The following SAMTOR variants were observed in gnomAD, a reference collection of about 807,000 sequenced individuals.
The protein encoded by SAMTOR is UPF0532 protein C7orf60.
the SAMTOR span, among the ~76,000 whole-genome samples, chr7:112,922,334 G>A: frequency 1.3e-5 from 2 of 152,270 alleles, no homozygotes; most frequent in South Asian, 2.1e-4. Context: ...TGCCTGCCTT[G>A]GCCTCCCAAA....
chr7:112,870,138 AT>A, the SAMTOR span, among the ~76,000 whole-genome samples: 1 of 152,198 alleles, frequency 6.6e-6, no homozygotes, highest in Non-Finnish European at 1.5e-5. Flanking sequence ...TGAGGACATA[AT>A]TCATGAAAAT....
chr7:112,879,999 A>G, the SAMTOR span, among the ~76,000 whole-genome samples: 1 of 152,202 alleles, frequency 6.6e-6, no homozygotes, highest in Non-Finnish European at 1.5e-5. Context: ...CATAATATAC[A>G]GAACTACATT....
the SAMTOR span, among the ~76,000 whole-genome samples, chr7:112,836,664 C>T: frequency 6.6e-6 from 1 of 151,940 alleles, no homozygotes; most frequent in Admixed American, 6.6e-5. Context: ...GAAAGAGGTC[C>T]AGTTTCAATC....
chr7:112,856,945 T>C, the SAMTOR span, among the ~76,000 whole-genome samples: 1 of 152,128 alleles, frequency 6.6e-6, no homozygotes. Context: ...ATTCATTCCC[T>C]AAATCACATA....
the SAMTOR span, among the ~76,000 whole-genome samples, chr7:112,824,708 T>C: frequency 6.6e-6 from 1 of 152,136 alleles, no homozygotes; most frequent in Non-Finnish European, 1.5e-5. Flanking sequence ...AAGTTTCTTC[T>C]TTTGTATATG....
chr7:112,822,097 T>C, the SAMTOR span: 15 of 1,613,784 alleles, frequency 9.3e-6, no homozygotes, highest in Non-Finnish European at 1.3e-5. Flanking sequence ...CTTTTCATCA[T>C]CATAGCATGA....
chr7:112,862,417 C>T, the SAMTOR span, among the ~76,000 whole-genome samples: 3 of 152,098 alleles, frequency 2.0e-5, no homozygotes, highest in Non-Finnish European at 2.9e-5. Flanking sequence ...ATTGGGCATT[C>T]GGAAATTAAC....
chr7:112,930,678 T>G, the SAMTOR span, among the ~76,000 whole-genome samples: 1 of 152,236 alleles, frequency 6.6e-6, no homozygotes, highest in Non-Finnish European at 1.5e-5. Flanking sequence ...AAAGAGCTGT[T>G]ATTTTTAAAT....
chr7:112,822,721 A>G, the SAMTOR span, among the ~76,000 whole-genome samples: 1 of 152,148 alleles, frequency 6.6e-6, no homozygotes, highest in African/African-American at 2.4e-5. Context: ...TTTAACATTT[A>G]CAGTTACCAA....
At chr7:112,936,508 C>A in the SAMTOR span, among the ~76,000 whole-genome samples, 5 of 152,184 alleles carry the variant, frequency 3.3e-5, no homozygotes, top group African/African-American at 1.2e-4. Flanking sequence ...CCACCCCAAG[C>A]CTGTTCATCA....
the SAMTOR span, among the ~76,000 whole-genome samples, chr7:112,857,351 A>G: frequency 1.9e-4 from 28 of 148,276 alleles, no homozygotes; most frequent in South Asian, 5.9e-3. Context: ...TCGGCCTCCC[A>G]AAGTGCTGGG....
chr7:112,898,448 C>T, the SAMTOR span, among the ~76,000 whole-genome samples: 2 of 152,122 alleles, frequency 1.3e-5, no homozygotes, highest in African/African-American at 4.8e-5. Flanking sequence ...CCTTGCAACC[C>T]AGGTACCAGC....
chr7:112,918,651 G>A, the SAMTOR span, among the ~76,000 whole-genome samples: 1 of 152,102 alleles, frequency 6.6e-6, no homozygotes, highest in Non-Finnish European at 1.5e-5. Flanking sequence ...ACACAGACTG[G>A]CAAATTGGAT....
chr7:112,902,433 AAAAAAC>A, the SAMTOR span, among the ~76,000 whole-genome samples: 4 of 112,246 alleles, frequency 3.6e-5, 1 homozygote, highest in Non-Finnish European at 7.0e-5. Context: ...AAAAAACAAA[AAAAAAC>A]AAAAAAAAAC....
At chr7:112,927,340 T>C in the SAMTOR span, among the ~76,000 whole-genome samples, 1 of 152,078 alleles carries the variant, frequency 6.6e-6, no homozygotes, top group East Asian at 1.9e-4. Context: ...ATTTTTTCAT[T>C]ATTAAAAGGT....
chr7:112,931,794 T>A, the SAMTOR span, among the ~76,000 whole-genome samples: 2 of 152,228 alleles, frequency 1.3e-5, no homozygotes, highest in Non-Finnish European at 2.9e-5. Context: ...TAGGTCAGTA[T>A]AGTTTAGTGG....
At chr7:112,893,934 CTT>C in the SAMTOR span, among the ~76,000 whole-genome samples, 1 of 152,194 alleles carries the variant, frequency 6.6e-6, no homozygotes, top group Non-Finnish European at 1.5e-5. Flanking sequence ...AAATAAATGA[CTT>C]TTCCTTTGAA....
chr7:112,935,597 G>A, the SAMTOR span, among the ~76,000 whole-genome samples: 1 of 151,556 alleles, frequency 6.6e-6, no homozygotes. Context: ...TTTTTTTTGT[G>A]ATTGATTTAT....
the SAMTOR span, among the ~76,000 whole-genome samples, chr7:112,893,877 G>C: frequency 6.6e-6 from 1 of 152,208 alleles, no homozygotes; most frequent in Non-Finnish European, 1.5e-5. Flanking sequence ...ACGCCAGCCT[G>C]GGCGACAGAG....
Sources: gnomAD v4.1 joint callset for allele counts (sites outside exome capture counted in the v4.1 genomes callset) on GRCh38, gnomAD v4.1.1 for gene constraint, MANE v1.5 for transcripts, NCBI Gene and HGNC (gene_info 2026-07-23, HGNC 2026-07-21) for gene names.